Variants in CTXND2 observed in about 807,000 individuals in gnomAD.
The protein encoded by CTXND2 is cortexin domain containing 2.
In CTXND2 at chr1:150,900,169, G is replaced by C. The variant is rs184516686; in HGVS notation, c.-73-12073G>C. On this transcript the variant is annotated intron_variant, in intron 1 of 1. Transcript: ENST00000636087. ...TAAATCTTCCTGCTGCTCAGTCTTT[G>C]GGTCTGCACTACCTTTATGAGTTGT... Among the ~76,000 whole-genome samples the C allele has an allele frequency of 2.4e-4, 37 of 152,120 alleles. 1 individual carries two copies. The highest frequency in any genetic ancestry group is 2.3e-3 in the Admixed American group (35 of 15,278).
chr1:150,910,130 T>C (rs1571607128), intron 1 of CTXND2, among the ~76,000 whole-genome samples: 1 of 150,172 alleles, frequency 6.7e-6, no homozygotes, highest in South Asian at 2.1e-4. Context: ...GTTTTTTTTT[T>C]TTCTTTTTTT....
chr1:150,889,260 C>T (rs1337697501), intron 1 of CTXND2, among the ~76,000 whole-genome samples: 3 of 151,730 alleles, frequency 2.0e-5, no homozygotes, highest in South Asian at 2.1e-4. Flanking sequence ...CTTAGCCGGG[C>T]GTGGCAGCGG....
At chr1:150,911,693 A>G (rs1028354945) in intron 1 of CTXND2, among the ~76,000 whole-genome samples, 25 of 152,240 alleles carry the variant, frequency 1.6e-4, no homozygotes, top group African/African-American at 6.0e-4. Context: ...TTGTCCTCAC[A>G]AAGTGCTGGG....
intron 1 of CTXND2, among the ~76,000 whole-genome samples, chr1:150,910,115 T>A (rs1669224319): frequency 6.6e-6 from 1 of 151,474 alleles, no homozygotes; most frequent in African/African-American, 2.4e-5. Flanking sequence ...CTTTTTCTTT[T>A]TTCTGTTTTT....
At chr1:150,900,124 T>G (rs1487561817) in intron 1 of CTXND2, among the ~76,000 whole-genome samples, 1 of 152,096 alleles carries the variant, frequency 6.6e-6, no homozygotes, top group Admixed American at 6.6e-5. Context: ...GTGGAGGCTG[T>G]ATTCTTTTGC....
chr1:150,899,137 C>T (rs989336316), intron 1 of CTXND2, among the ~76,000 whole-genome samples: 15 of 137,530 alleles, frequency 1.1e-4, no homozygotes, highest in African/African-American at 2.4e-4. Context: ...AATAAACAAA[C>T]AAACAATAAT....
At chr1:150,892,335 C>T (rs1668860985) in intron 1 of CTXND2, among the ~76,000 whole-genome samples, 1 of 151,880 alleles carries the variant, frequency 6.6e-6, no homozygotes, top group Non-Finnish European at 1.5e-5. Context: ...TTCCTGTGAC[C>T]AACAATACCC....
At chr1:150,901,442 C>T (rs587672775) in intron 1 of CTXND2, among the ~76,000 whole-genome samples, 6 of 152,300 alleles carry the variant, frequency 3.9e-5, no homozygotes, top group African/African-American at 1.4e-4. Flanking sequence ...AATAACCAAA[C>T]ACTCTTGAAA....
intron 1 of CTXND2, among the ~76,000 whole-genome samples, chr1:150,900,689 A>G (rs923166174): frequency 6.6e-6 from 1 of 152,064 alleles, no homozygotes; most frequent in Admixed American, 6.6e-5. Flanking sequence ...GTGAGAAAAT[A>G]TTTGCAATAT....
intron 1 of CTXND2, among the ~76,000 whole-genome samples, chr1:150,898,754 CAA>C (rs34434799): frequency 1.4e-4 from 11 of 81,180 alleles, no homozygotes; most frequent in East Asian, 4.2e-4. Flanking sequence ...GATTCTGACT[CAA>C]AAAAAAAAAA....
At chr1:150,890,373 T>C (rs774411321) in intron 1 of CTXND2, among the ~76,000 whole-genome samples, 12 of 152,144 alleles carry the variant, frequency 7.9e-5, no homozygotes, top group Non-Finnish European at 1.6e-4. Flanking sequence ...CTGAAATAGA[T>C]AGACAGCCAG....
rs113827192 is a variant in CTXND2 at position 150,904,460 on chromosome 1, A to G, written c.-73-7782A>G. The stretch of plus-strand genomic sequence containing the variant: ...GTTTACCCCTTCTAAAGATATGATT[A>G]GACTTTGTTAGTAATGTTAAACTTT... On this transcript the variant is annotated intron_variant, in intron 1 of 1. Transcript: ENST00000636087. Among the ~76,000 whole-genome samples, 1,285 of 152,342 alleles carry G rather than the reference A, an allele frequency of 8.4e-3. 7 individuals are homozygous for G. Among genetic ancestry groups the G allele is most frequent in the Non-Finnish European group, 0.012 (810 of 68,030 alleles).
intron 1 of CTXND2, among the ~76,000 whole-genome samples, chr1:150,888,703 T>C (rs1285519178): frequency 1.3e-5 from 2 of 151,738 alleles, no homozygotes; most frequent in Non-Finnish European, 2.9e-5. Flanking sequence ...TATTTATTTA[T>C]TTATTTAGAC....
intron 1 of CTXND2, among the ~76,000 whole-genome samples, chr1:150,911,059 C>T (rs1669247588): frequency 6.6e-6 from 1 of 152,080 alleles, no homozygotes; most frequent in Admixed American, 6.6e-5. Flanking sequence ...CTGCCTCGGC[C>T]TCCCAAAGTG....
Position 150,890,561 on chromosome 1 carries a change from C to T in CTXND2, c.-74+3248C>T, listed in dbSNP as rs587628091. Among the ~76,000 whole-genome samples, 341 of 152,080 alleles carry T rather than the reference C, an allele frequency of 2.2e-3. 1 individual carries two copies. The highest frequency in any genetic ancestry group is 3.8e-3 in the Admixed American group (58 of 15,262). ...TCTTGTTGCACAGGCTGGAGTGCAA[C>T]GGTACGTTCTTGTCTCACTGCAACC... On this transcript the variant is annotated intron_variant, in intron 1 of 1. Transcript: ENST00000636087.
At chr1:150,897,364 G>A (rs6703303) in intron 1 of CTXND2, among the ~76,000 whole-genome samples, 11,381 of 152,216 alleles carry the variant, frequency 0.075, 1,455 homozygotes, top group African/African-American at 0.26. Flanking sequence ...TCTCACTGTC[G>A]CCCAGGCTGG....
chr1:150,903,835 G>T, intron 1 of CTXND2: 2 of 497,824 alleles, frequency 4.0e-6, no homozygotes, highest in South Asian at 1.7e-5. Context: ...TGGAGAGAGT[G>T]GGATGTCCGG....
At chr1:150,911,446 T>A (rs146551579) in intron 1 of CTXND2, among the ~76,000 whole-genome samples, 2,658 of 152,072 alleles carry the variant, frequency 0.017, 29 homozygotes, top group Non-Finnish European at 0.028. Flanking sequence ...AATTTATTTT[T>A]TTTTTTTGAG....
intron 1 of CTXND2, among the ~76,000 whole-genome samples, chr1:150,899,692 T>C (rs766021875): frequency 3.3e-5 from 5 of 152,158 alleles, no homozygotes; most frequent in Non-Finnish European, 7.3e-5. Context: ...ATGCAGTGGC[T>C]CATGCCTGTA....
Sources: allele counts gnomAD v4.1 joint callset (sites outside exome capture counted in the v4.1 genomes callset), GRCh38; gene constraint gnomAD v4.1.1; transcripts MANE v1.5; gene names NCBI Gene and HGNC (gene_info 2026-07-23, HGNC 2026-07-21).